Variants in ROCK1 observed in about 807,000 individuals in gnomAD.
The protein encoded by ROCK1 is rho-associated protein kinase 1.
In ROCK1, 36 loss-of-function variants were observed where a neutral mutation model predicts 196.8. That is an observed-to-expected ratio of 0.18 (90% CI 0.14 to 0.24). The LOEUF (loss-of-function observed/expected upper bound fraction) is 0.24. ROCK1 is among the 10% of genes least tolerant of loss of function. ROCK1 has a pLI of 1.00. For synonymous variants in ROCK1, 443 were observed against 515.9 expected (o/e 0.86, Z 1.91); for missense variants, 920 against 1,562.0 (o/e 0.59, Z 6.93).
At chr18:21,013,391 T>C (rs2035834655) in intron 13 of ROCK1, among the ~76,000 whole-genome samples, 1 of 151,870 alleles carries the variant, frequency 6.6e-6, no homozygotes, top group Non-Finnish European at 1.5e-5. Context: ...GAAGCAGGAG[T>C]TCTGGCACTC....
At chr18:21,072,397 G>A (rs974602694) in intron 1 of ROCK1, among the ~76,000 whole-genome samples, 2 of 152,160 alleles carry the variant, frequency 1.3e-5, no homozygotes, top group Non-Finnish European at 2.9e-5. Context: ...TACCAACTGA[G>A]GTTTCTAAGG....
chr18:21,052,562 G>T (rs1032820083), intron 2 of ROCK1, among the ~76,000 whole-genome samples: 18 of 152,116 alleles, frequency 1.2e-4, no homozygotes, highest in East Asian at 5.8e-4. Flanking sequence ...ACCGGTTCAT[G>T]GCCTATTAGG....
intron 2 of ROCK1, among the ~76,000 whole-genome samples, chr18:21,055,605 G>A (rs1485949007): frequency 1.3e-5 from 2 of 151,964 alleles, no homozygotes; most frequent in Admixed American, 6.6e-5. Context: ...TTTCATTACT[G>A]TAGTTCAAGG....
At chr18:20,991,623 T>C (rs1258447468) in intron 17 of ROCK1, among the ~76,000 whole-genome samples, 1 of 151,994 alleles carries the variant, frequency 6.6e-6, no homozygotes. Context: ...TCTGATACCA[T>C]CTTTTTTTTT....
At chr18:20,960,741 T>G (rs2035319234) in intron 27 of ROCK1, 1 of 152,140 alleles carries the variant, frequency 6.6e-6, no homozygotes, top group African/African-American at 2.4e-5. Context: ...GACAAGTATT[T>G]TATTTGTTTT....
chr18:20,980,452 T>A (rs570276507), intron 21 of ROCK1, among the ~76,000 whole-genome samples: 51 of 152,286 alleles, frequency 3.3e-4, no homozygotes, highest in Non-Finnish European at 7.4e-5. Context: ...AAACAGTCAT[T>A]GTCTGTGTAT....
intron 1 of ROCK1, among the ~76,000 whole-genome samples, chr18:21,091,810 A>T (rs2036572475): frequency 6.6e-6 from 1 of 151,986 alleles, no homozygotes; most frequent in Non-Finnish European, 1.5e-5. Flanking sequence ...TCTCTACTAC[A>T]AACACAAAAA....
At chr18:21,062,454 C>T (rs1336410233) in intron 2 of ROCK1, among the ~76,000 whole-genome samples, 2 of 151,990 alleles carry the variant, frequency 1.3e-5, no homozygotes, top group Non-Finnish European at 2.9e-5. Context: ...ATTACTTTTG[C>T]ACCAACCTAA....
intron 27 of ROCK1, among the ~76,000 whole-genome samples, chr18:20,962,906 C>T (rs921148746): frequency 1.6e-4 from 24 of 152,192 alleles, no homozygotes; most frequent in African/African-American, 5.1e-4. Flanking sequence ...CGTTTCCTTT[C>T]CTTACGCCTA....
At chr18:21,090,317 A>T (rs1412842142) in intron 1 of ROCK1, among the ~76,000 whole-genome samples, 1 of 152,254 alleles carries the variant, frequency 6.6e-6, no homozygotes, top group Admixed American at 6.5e-5. Context: ...TTCAAAAACT[A>T]GCCAGGTAAA....
chr18:21,055,553 T>C lies in ROCK1; in HGVS notation c.176-5673A>G, dbSNP rs530302190. Among the ~76,000 whole-genome samples, 7 of 152,322 alleles carry C rather than the reference T, an allele frequency of 4.6e-5. No individual in the cohort carries two copies. In the East Asian group the frequency reaches 1.2e-3, roughly 25 times the overall value. On this transcript the variant is annotated intron_variant, in intron 2 of 32. Transcript: ENST00000399799. ...ATTTTACTATGGGAGACTACTTCTATCTTAACTTAAACCCTCCACTCATGC... is the reference window on the plus strand; with the variant it reads ...ATTTTACTATGGGAGACTACTTCTACCTTAACTTAAACCCTCCACTCATGC...
In ROCK1 at chr18:20,966,945, A is replaced by G; in HGVS notation, c.3324T>C (p.Ser1108=). Residue 1108 remains serine, a synonymous_variant, in exon 27 of 33, where the codon AGT becomes AGC. Coordinates refer to ENST00000399799, the MANE Select transcript of ROCK1 (RefSeq NM_005406.3). ...SDSTSVASFP[S]ADETDGNLPE... ...GGAGGTTACCATCAGTTTCATCAGC[A>G]CTAGGAAAACTAGCAACACTTGTAG... The G allele has an allele frequency of 6.2e-7, 1 of 1,613,488 alleles. No individual in the cohort carries two copies. The highest frequency in any genetic ancestry group is 8.5e-7 in the Non-Finnish European group (1 of 1,179,546).
chr18:21,093,011 T>C (rs1028077648), intron 1 of ROCK1, among the ~76,000 whole-genome samples: 9 of 152,196 alleles, frequency 5.9e-5, no homozygotes, highest in Admixed American at 5.2e-4. Context: ...GTAATGTATC[T>C]TGGTATAAGC....
Position 21,006,549 on chromosome 18 carries a change from T to C in ROCK1, c.1687A>G (p.Arg563Gly). ...LLRTESDTAV[R>G]LRKSHTEMSK... ...ATCTCTGTGTGACTCTTCCTCAATC[T>C]TACAGCTGTGTCCGATTCTGTCCTA... Residue 563 changes from arginine (R) to glycine (G), a missense_variant, in exon 16 of 33, where the codon AGA becomes GGA. Coordinates refer to ENST00000399799, the MANE Select transcript of ROCK1 (RefSeq NM_005406.3). The C allele has an allele frequency of 6.2e-7, 1 of 1,613,848 alleles. No homozygotes were observed. Among genetic ancestry groups the C allele is most frequent in the Non-Finnish European group, 8.5e-7 (1 of 1,179,904 alleles).
intron 1 of ROCK1, among the ~76,000 whole-genome samples, chr18:21,083,229 TA>T (rs1428290128): frequency 2.6e-5 from 4 of 151,998 alleles, no homozygotes; most frequent in East Asian, 3.8e-4. Context: ...CTGGAAAAAA[TA>T]TTTTTTTTAA....
At chr18:20,992,351 A>G (rs2035633833) in intron 17 of ROCK1, among the ~76,000 whole-genome samples, 1 of 152,250 alleles carries the variant, frequency 6.6e-6, no homozygotes, top group South Asian at 2.1e-4. Flanking sequence ...TAGGTATATA[A>G]CAGAGAATAA....
At chr18:21,010,046 A>G (rs1452791202) in intron 13 of ROCK1, among the ~76,000 whole-genome samples, 1 of 152,172 alleles carries the variant, frequency 6.6e-6, no homozygotes, top group African/African-American at 2.4e-5. Context: ...TCTATAGTAT[A>G]TGCCCTATTT....
intron 27 of ROCK1, among the ~76,000 whole-genome samples, chr18:20,962,846 G>T (rs2035339813): frequency 6.6e-6 from 1 of 152,026 alleles, no homozygotes; most frequent in Admixed American, 6.6e-5. Flanking sequence ...AGAAGCAACT[G>T]AACTAAGCTC....
chr18:21,023,662 A>T lies in ROCK1; in HGVS notation c.1230T>A (p.Asn410Lys). 1 of 1,579,376 alleles carries T rather than the reference A, an allele frequency of 6.3e-7. No individual in the cohort carries two copies. Among genetic ancestry groups the T allele is most frequent in the South Asian group, 1.2e-5 (1 of 85,216 alleles). The change falls in exon 11 of 33, where the codon AAT becomes AAA. Residue 410 changes from asparagine (N) to lysine (K), a missense_variant. Around this residue, in one of 6 missense-constraint regions of ROCK1, gnomAD observed 520 missense variants for 657.1 expected, o/e 0.79. Coordinates refer to ENST00000399799, the MANE Select transcript of ROCK1 (RefSeq NM_005406.3). ...YSNRRYLSSA[N>K]PNDNRTSSNA... The stretch of plus-strand genomic sequence containing the variant: ...TGGAGCTAGTTCTGTTATCATTAGG[A>T]TTTGCTGAAGATAAGTATCTGAGGG...
Sources: gnomAD v4.1 joint callset for allele counts (sites outside exome capture counted in the v4.1 genomes callset) on GRCh38, gnomAD v4.1.1 for gene constraint, gnomAD v4.1.1 regional missense constraint, MANE v1.5 for transcripts, NCBI Gene and HGNC (gene_info 2026-07-23, HGNC 2026-07-21) for gene names.